The following PLEKHH1 variants were observed in gnomAD, a reference collection of about 807,000 sequenced individuals.
The protein encoded by PLEKHH1 is pleckstrin homology, MyTH4 and FERM domain containing H1.
Under a neutral mutation model 160.0 loss-of-function variants are expected in PLEKHH1, and 104 were observed. That is an observed-to-expected ratio of 0.65 (90% confidence interval 0.55 to 0.76). PLEKHH1 has a LOEUF of 0.76. PLEKHH1 is among the 30% of genes least tolerant of loss of function. The probability of loss-of-function intolerance (pLI) is 0.00; values close to 1 mark genes in which losing one functional copy is unlikely to be tolerated. For synonymous variants in PLEKHH1, 619 were observed against 678.4 expected (o/e 0.91, Z 1.36); for missense variants, 1,427 against 1,724.1 (o/e 0.83, Z 3.05).
At position 67,569,186 on chromosome 14, in the gene PLEKHH1, A is replaced by G. The variant is rs17104428; in HGVS notation, c.1312A>G (p.Met438Val). Residue 438 changes from methionine to valine, a missense_variant, in exon 8 of 29, where the codon ATG becomes GTG. Transcript: ENST00000329153. ...CACATCGGGCATGCGGCTCTCAGAT[A>G]TGTCTCCCAGAAGTAATACTGCATG... ...VATSGMRLSD[M>V]SPRSNTACCA... The G allele has an allele frequency of 0.019, 31,041 of 1,612,884 alleles. 837 individuals are homozygous for G. Among genetic ancestry groups the G allele is most frequent in the African/African-American group, 0.13 (9,514 of 74,944 alleles).
In PLEKHH1 at chr14:67,555,876, G is replaced by T. The variant is rs965005570; in HGVS notation, c.178G>T (p.Ala60Ser). The T allele has an allele frequency of 6.2e-7, 1 of 1,613,508 alleles. No individual in the cohort carries two copies. Among genetic ancestry groups the T allele is most frequent in the South Asian group, 1.1e-5 (1 of 90,986 alleles). ...LLEAEQRAEN[A>S]ETQVGVMEEK... Reference sequence around the variant, plus strand: ...GGAGGCAGAGCAGAGAGCAGAGAACGCTGAGACCCAGGTAACCAGGGGAGG... The same window carrying T: ...GGAGGCAGAGCAGAGAGCAGAGAACTCTGAGACCCAGGTAACCAGGGGAGG... The change falls in exon 3 of 29, where the codon GCT (alanine) becomes TCT (serine). Residue 60 changes from alanine to serine, a missense_variant. By Grantham distance (99) the Ala-to-Ser change is moderately conservative. Around this residue, in one of 6 missense-constraint regions of PLEKHH1, gnomAD observed 831 missense variants for 929.2 expected, o/e 0.89. Transcript: ENST00000329153.
intron 2 of PLEKHH1, among the ~76,000 whole-genome samples, chr14:67,550,721 A>G (rs1040386390): frequency 1.3e-5 from 2 of 152,226 alleles, no homozygotes; most frequent in African/African-American, 4.8e-5. Context: ...AACAAGATGT[A>G]TATGGAATCT....
intron 7 of PLEKHH1, among the ~76,000 whole-genome samples, chr14:67,566,574 A>G (rs1282569988): frequency 6.6e-6 from 1 of 152,060 alleles, no homozygotes; most frequent in Admixed American, 6.6e-5. Context: ...GCGAAACCCC[A>G]TGTCTACCAA....
At chr14:67,546,725 GGCATGGTGAT>G (rs2034196792) in intron 2 of PLEKHH1, among the ~76,000 whole-genome samples, 1 of 152,134 alleles carries the variant, frequency 6.6e-6, no homozygotes, top group African/African-American at 2.4e-5. Flanking sequence ...ATTCTCATCA[GGCATGGTGAT>G]GCGTGCCTGT....
chr14:67,545,940 GC>G (rs1456619983), intron 2 of PLEKHH1, among the ~76,000 whole-genome samples: 2 of 149,484 alleles, frequency 1.3e-5, no homozygotes, highest in Non-Finnish European at 3.0e-5. Flanking sequence ...CAAAAGCTCT[GC>G]TGCTAAAAAA....
At chr14:67,537,482 T>C (rs2033786009) in intron 1 of PLEKHH1, among the ~76,000 whole-genome samples, 1 of 148,790 alleles carries the variant, frequency 6.7e-6, no homozygotes, top group South Asian at 2.1e-4. Context: ...CTGGGCACCA[T>C]GGTGAAACCT....
In PLEKHH1 at chr14:67,575,774, C is replaced by T. The variant is rs773559262; in HGVS notation, c.2170-49C>T. The T allele has an allele frequency of 1.2e-5, 17 of 1,410,282 alleles. No homozygotes were observed. The African/African-American group carries it at 2.1e-4, about 17-fold the overall frequency. The allele number at this position is 1,410,282 out of a possible 1,614,324, so 87.4% of individuals were successfully genotyped here. A position where few individuals can be genotyped will look rare whatever the true frequency, so the allele number is the denominator to read the frequency against. On this transcript the variant is annotated intron_variant, in intron 15 of 28. Coordinates refer to ENST00000329153, the MANE Select transcript of PLEKHH1 (RefSeq NM_020715.3). ...CCTATGTATTCAGAGAGAGGAGACT[C>T]CCTCATCCCCCACTGGCTCTCCCAT... is the stretch of plus-strand genomic sequence containing the variant.
intron 1 of PLEKHH1, chr14:67,533,723 G>A: frequency 6.6e-6 from 1 of 152,174 alleles, no homozygotes; most frequent in Non-Finnish European, 1.5e-5. Context: ...ATCGGTGCTC[G>A]CTCCCTTTCA....
chr14:67,552,084 T>C (rs1319414725), intron 2 of PLEKHH1, among the ~76,000 whole-genome samples: 3 of 152,172 alleles, frequency 2.0e-5, no homozygotes, highest in Non-Finnish European at 2.9e-5. Flanking sequence ...AAATACCAGA[T>C]TGGTGCCAAG....
intron 2 of PLEKHH1, among the ~76,000 whole-genome samples, chr14:67,554,647 G>A (rs2034524440): frequency 6.6e-6 from 1 of 152,202 alleles, no homozygotes; most frequent in Admixed American, 6.5e-5. Flanking sequence ...ACACGGTGGT[G>A]CCCTGGCAGG....
chr14:67,552,780 A>G (rs975607545), intron 2 of PLEKHH1, among the ~76,000 whole-genome samples: 7 of 143,726 alleles, frequency 4.9e-5, no homozygotes, highest in African/African-American at 1.5e-4. Flanking sequence ...AAAAAAAAAC[A>G]AAAACAAAAA....
rs1377955906 is a variant in PLEKHH1 at position 67,563,087 on chromosome 14, A to C, written c.1263+193A>C. 3.9e-5 allele frequency among the ~76,000 whole-genome samples: 6 copies of C among 152,220 alleles called. No individual in the cohort carries two copies. In the East Asian group the frequency reaches 1.2e-3, roughly 29 times the overall value. On this transcript the variant is annotated intron_variant, in intron 7 of 28. Transcript: ENST00000329153. The stretch of plus-strand genomic sequence containing the variant: ...CAGCGCCAGAATTCAGAATGATGTG[A>C]ATGGCGGTTGGCTGTCATTTCCTGA...
chr14:67,557,464 G>T, intron 4 of PLEKHH1, 46 bp downstream of exon 4: 1 of 1,580,430 alleles, frequency 6.3e-7, no homozygotes. Context: ...TTCGACATCT[G>T]TACTGCTGGC....
In PLEKHH1 at chr14:67,582,718, T is replaced by G. The variant is rs1429796180; in HGVS notation, c.3426+508T>G. ...TGGGTGTGGTGGTGGGCGCCTGTAATCCCAGCTACTCGGCAGGCTGAGGCA... is the reference window on the plus strand; with the variant it reads ...TGGGTGTGGTGGTGGGCGCCTGTAAGCCCAGCTACTCGGCAGGCTGAGGCA... On this transcript the variant is annotated intron_variant, in intron 24 of 28. Transcript: ENST00000329153. This position sits in a 1 kb window ranked among gnomAD's most constrained non-coding sequence, Gnocchi z 5.0. 6.6e-6 allele frequency among the ~76,000 whole-genome samples: 1 copy of G among 152,028 alleles called. No homozygotes were observed.
rs750659403 is a variant in PLEKHH1 at position 67,578,966 on chromosome 14, A to T, written c.2850-168A>T. On this transcript the variant is annotated intron_variant, in intron 20 of 28. Transcript: ENST00000329153. The surrounding 1 kb of genome is among the most constrained non-coding windows in gnomAD (Gnocchi z 5.0). ...TATCCATGCCAGCAACCTGCTATATAAAGGTCCTGAATGACAAATTAATGT... is the reference window on the plus strand; with the variant it reads ...TATCCATGCCAGCAACCTGCTATATTAAGGTCCTGAATGACAAATTAATGT... Among the ~76,000 whole-genome samples, 1 of 152,186 alleles carries T rather than the reference A, an allele frequency of 6.6e-6. No homozygotes were observed. Among genetic ancestry groups the T allele is most frequent in the African/African-American group, 2.4e-5 (1 of 41,444 alleles).
Position 67,534,691 on chromosome 14 carries a change from T to C in PLEKHH1, c.-35+1293T>C, listed in dbSNP as rs117128817. Among the ~76,000 whole-genome samples the C allele has an allele frequency of 4.5e-3, 679 of 152,180 alleles. 18 individuals are homozygous for C. In the East Asian group the frequency reaches 0.063, roughly 14 times the overall value. On this transcript the variant is annotated intron_variant, in intron 1 of 28. Transcript: ENST00000329153. Reference sequence around the variant, plus strand: ...GGTGCAGCCTGTGGCCCCAAACTCATTGAAACTAACAACTAAGCTGAAAAA... The same window carrying C: ...GGTGCAGCCTGTGGCCCCAAACTCACTGAAACTAACAACTAAGCTGAAAAA...
chr14:67,579,961 G>A (rs537855845), intron 22 of PLEKHH1, 85 bp downstream of exon 22: 2 of 1,299,388 alleles, frequency 1.5e-6, no homozygotes, highest in South Asian at 2.8e-5. Context: ...ATGGGTGTCT[G>A]ACTGTTTGGT....
chr14:67,573,998 A>G lies in PLEKHH1; in HGVS notation c.1926+111A>G, dbSNP rs535442719. On this transcript the variant is annotated intron_variant, in intron 13 of 28. Transcript: ENST00000329153. This position sits in a 1 kb window ranked among gnomAD's most constrained non-coding sequence, Gnocchi z 4.8. ...AATGAGCATGAATGAAAGACTTCAG[A>G]TCAACATTTGGACGTGATCCTAACT... 3.4e-5 allele frequency: 28 copies of G among 820,758 alleles called. No individual in the cohort carries two copies. Among genetic ancestry groups the G allele is most frequent in the Non-Finnish European group, 5.2e-5 (25 of 484,444 alleles). 50.8% of individuals were successfully genotyped at this position (820,758 alleles called of 1,614,324 possible). A position where few individuals can be genotyped will look rare whatever the true frequency, so the allele number is the denominator to read the frequency against.
At chr14:67,585,402 C>T (rs773619425) in intron 26 of PLEKHH1, 166 bp from the exon 27 acceptor site, 15 of 595,580 alleles carry the variant, frequency 2.5e-5, no homozygotes, top group Non-Finnish European at 3.9e-5. Flanking sequence ...GCAGCCTTGT[C>T]TATTTCCTGC....
Sources: allele counts gnomAD v4.1 joint callset (sites outside exome capture counted in the v4.1 genomes callset), GRCh38; gene constraint gnomAD v4.1.1; regional missense constraint gnomAD v4.1.1; non-coding constraint Gnocchi (gnomAD v3.1); transcripts MANE v1.5; gene names NCBI Gene and HGNC (gene_info 2026-07-23, HGNC 2026-07-21).